Variants in PLSCR5 observed in about 807,000 individuals in gnomAD.
PLSCR5 encodes phospholipid scramblase family member 5.
Under a neutral mutation model 33.6 loss-of-function variants are expected in PLSCR5, and 44 were observed. That is an observed-to-expected ratio of 1.31 (90% CI 1.03 to 1.69). The LOEUF is 1.69. PLSCR5 is among the 40% of genes most tolerant of loss of function. The probability of loss-of-function intolerance (pLI) is 0.00; values close to 1 mark genes in which losing one functional copy is unlikely to be tolerated. For synonymous variants in PLSCR5, 148 were observed against 112.3 expected, an observed-to-expected ratio of 1.32 and a Z score of -2.01; for missense variants, 375 against 318.7, an observed-to-expected ratio of 1.18 and a Z score of -1.34.
chr3:146,599,574 G>C (rs1383190801), intron 2 of PLSCR5, among the ~76,000 whole-genome samples: 1 of 150,718 alleles, frequency 6.6e-6, no homozygotes, highest in Non-Finnish European at 1.5e-5. Flanking sequence ...AGAGGGGCTA[G>C]GTTTCGTGCT....
intron 4 of PLSCR5, among the ~76,000 whole-genome samples, chr3:146,592,496 A>C (rs2044724529): frequency 6.6e-6 from 1 of 152,184 alleles, no homozygotes; most frequent in Admixed American, 6.5e-5. Context: ...CATTACCTTT[A>C]CATATTTATG....
At chr3:146,586,990 G>C (rs1383590146) in intron 6 of PLSCR5, among the ~76,000 whole-genome samples, 1 of 152,150 alleles carries the variant, frequency 6.6e-6, no homozygotes, top group Non-Finnish European at 1.5e-5. Context: ...AAAGAGAAAT[G>C]AATGGGAGTC....
At chr3:146,594,638 A>T (rs956916331) in intron 3 of PLSCR5, among the ~76,000 whole-genome samples, 9 of 152,106 alleles carry the variant, frequency 5.9e-5, no homozygotes, top group Non-Finnish European at 1.2e-4. Context: ...CCAGTTAGTC[A>T]TGCTTGTAAA....
chr3:146,589,700 G>C lies in PLSCR5; in HGVS notation c.730C>G (p.Leu244Val). Residue 244 changes from leucine (L) to valine (V), a missense_variant, in exon 6 of 8, where the codon CTA (leucine) becomes GTA (valine). Physicochemically the swap from Leu to Val is conservative, Grantham distance 32 (BLOSUM62 1). Transcript: ENST00000443512. ...ATTGCTGCTTTGACTGTTACATCTAGATCTGCAGGAACATGAATTCCGAAA... is the reference window on the plus strand; with the variant it reads ...ATTGCTGCTTTGACTGTTACATCTACATCTGCAGGAACATGAATTCCGAAA... ...DNFGIHVPAD[L>V]DVTVKAAMIG... 1 of 1,606,086 alleles carries C rather than the reference G, an allele frequency of 6.2e-7. No homozygotes were observed. Among genetic ancestry groups the C allele is most frequent in the Non-Finnish European group, 8.5e-7 (1 of 1,174,104 alleles).
chr3:146,597,760 T>C lies in PLSCR5; in HGVS notation c.189+2528A>G, dbSNP rs528388123. On this transcript the variant is annotated intron_variant, in intron 2 of 7. Coordinates refer to ENST00000443512, the MANE Select transcript of PLSCR5 (RefSeq NM_001085420.2). ...GGTGTCATGGCAAGTAAAACTTAAC[T>C]CCTTAAGTATGAAAGCTGTAGAAAT... Among the ~76,000 whole-genome samples, 13 of 152,300 alleles carry C rather than the reference T, an allele frequency of 8.5e-5. No homozygotes were observed. The South Asian group carries it at 1.7e-3, about 19-fold the overall frequency.
Position 146,595,076 on chromosome 3 carries a change from AG to A in PLSCR5, c.196del (p.Leu66Ter). The A allele has an allele frequency of 1.4e-6, 2 of 1,430,254 alleles. No individual in the cohort carries two copies. The highest frequency in any genetic ancestry group is 1.9e-4 in the Middle Eastern group (1 of 5,314). 88.6% of individuals were successfully genotyped at this position (1,430,254 alleles called of 1,614,324 possible). On this transcript the variant is annotated frameshift_variant, in exon 3 of 8. Transcript: ENST00000443512. LOFTEE classifies it high-confidence loss of function. Reference protein sequence around the residue: ...PGLEYLSQLDLIIIHQQVELL... With the variant: ...PGLEYLSQLDXIIIHQQVELL... ...CTCCACCTGCTGGTGTATAATTATC[AG>A]GTCTAACTGTAAAGGATGACATAAA...
At chr3:146,590,987 G>GTTTTTTTTTTTTT (rs376959020) in intron 5 of PLSCR5, among the ~76,000 whole-genome samples, 3 of 88,094 alleles carry the variant, frequency 3.4e-5, no homozygotes, top group Non-Finnish European at 4.6e-5. Context: ...CGAGAATAAG[G>GTTTTTTTTTTTTT]TTTTTTTTTG....
At chr3:146,580,187 C>T (rs950410948) in intron 7 of PLSCR5, among the ~76,000 whole-genome samples, 8 of 152,088 alleles carry the variant, frequency 5.3e-5, no homozygotes, top group Non-Finnish European at 1.0e-4. Context: ...CATGGCCATA[C>T]CTTCAGTTTC....
downstream of PLSCR5, among the ~76,000 whole-genome samples, chr3:146,584,707 T>C (rs2044655215): frequency 1.3e-5 from 2 of 152,106 alleles, no homozygotes; most frequent in Non-Finnish European, 2.9e-5. Context: ...GAGAAGCTTT[T>C]CATTTTTATG....
intron 2 of PLSCR5, among the ~76,000 whole-genome samples, chr3:146,598,036 T>C (rs550725649): frequency 6.6e-6 from 1 of 152,276 alleles, no homozygotes; most frequent in Admixed American, 6.5e-5. Flanking sequence ...TTGATTTTAC[T>C]CTTAGATTTA....
At chr3:146,592,887 C>T (rs977964770) in intron 4 of PLSCR5, among the ~76,000 whole-genome samples, 1 of 152,144 alleles carries the variant, frequency 6.6e-6, no homozygotes, top group Non-Finnish European at 1.5e-5. Flanking sequence ...ACTACACTCT[C>T]TTGGGGCATA....
intron 7 of PLSCR5, among the ~76,000 whole-genome samples, chr3:146,578,140 C>T (rs17432459): frequency 0.076 from 11,497 of 151,766 alleles, 490 homozygotes; most frequent in East Asian, 0.16. Flanking sequence ...AATGGTAGAC[C>T]GAAACTGCTT....
intron 2 of PLSCR5, among the ~76,000 whole-genome samples, chr3:146,599,679 C>T (rs200703988): frequency 2.2e-5 from 3 of 139,212 alleles, no homozygotes; most frequent in Non-Finnish European, 3.1e-5. Context: ...CTTTTCTTTT[C>T]TTTTTTTTTT....
At position 146,600,321 on chromosome 3, in the gene PLSCR5, G is replaced by C. The variant is rs750535796; in HGVS notation, c.156C>G (p.Val52=). 1.3e-5 allele frequency: 21 copies of C among 1,603,098 alleles called. No homozygotes were observed. Among genetic ancestry groups the C allele is most frequent in the Non-Finnish European group, 1.7e-5 (20 of 1,173,912 alleles). ...LPLPSSFLPT[V]SLPPGLEYLS... ...AATATTCTAGACCAGGAGGGAGACT[G>C]ACTGTTGGCAGGAAACTGCTTGGCA... The change falls in exon 2 of 8, where the codon GTC becomes GTG. Residue 52 remains valine (V), a synonymous_variant. Coordinates refer to ENST00000443512, the MANE Select transcript of PLSCR5 (RefSeq NM_001085420.2).
intron 7 of PLSCR5, among the ~76,000 whole-genome samples, chr3:146,578,738 T>C (rs1214929821): frequency 1.3e-5 from 2 of 152,160 alleles, no homozygotes; most frequent in South Asian, 2.1e-4. Flanking sequence ...GTGAAACAAA[T>C]AGTCTTATCG....
At chr3:146,578,930 C>A (rs2044616165) in intron 7 of PLSCR5, among the ~76,000 whole-genome samples, 1 of 151,860 alleles carries the variant, frequency 6.6e-6, no homozygotes, top group Non-Finnish European at 1.5e-5. Context: ...GCTCAGCCAG[C>A]AAAAGTTACT....
chr3:146,596,887 A>C (rs2044765849), intron 2 of PLSCR5, among the ~76,000 whole-genome samples: 1 of 152,188 alleles, frequency 6.6e-6, no homozygotes, highest in South Asian at 2.1e-4. Context: ...ATGATCTAAG[A>C]TATTCTAAAA....
At position 146,600,395 on chromosome 3, in the gene PLSCR5, G is replaced by C; in HGVS notation, c.82C>G (p.Pro28Ala). ...TGGTTCCCTGGATTGGAAGAGGCAG[G>C]AAGGCTTTGGTCTGGGTCTGGAGCT... ...PGAPDPDQSLPASSNPGNQAW... is the reference protein window; with the variant it reads ...PGAPDPDQSLAASSNPGNQAW... The change falls in exon 2 of 8, where the codon CCT becomes GCT. Residue 28 changes from proline (P) to alanine (A), a missense_variant. Transcript: ENST00000443512. 1 of 1,610,168 alleles carries C rather than the reference G, an allele frequency of 6.2e-7. No individual in the cohort carries two copies. Among genetic ancestry groups the C allele is most frequent in the Non-Finnish European group, 8.5e-7 (1 of 1,177,842 alleles).
At chr3:146,603,889 AT>A (rs1490694019) in intron 1 of PLSCR5, among the ~76,000 whole-genome samples, 1 of 152,034 alleles carries the variant, frequency 6.6e-6, no homozygotes, top group East Asian at 1.9e-4. Context: ...TAAATTCATG[AT>A]TTTGCTATTT....
Sources: allele counts gnomAD v4.1 joint callset (sites outside exome capture counted in the v4.1 genomes callset), GRCh38; gene constraint gnomAD v4.1.1; transcripts MANE v1.5; gene names NCBI Gene and HGNC (gene_info 2026-07-23, HGNC 2026-07-21).